STK35: variants seen among roughly 807,000 people sequenced by gnomAD.
STK35 encodes serine/threonine-protein kinase 35.
Under a neutral mutation model 37.3 loss-of-function variants are expected in STK35, and 17 were observed. The ratio of observed to expected loss-of-function variants is 0.46; its 90% CI spans 0.31 to 0.68. STK35 has a LOEUF of 0.68. Among genes scored for constraint, STK35 ranks in the 30% least tolerant of loss-of-function variants. The pLI, the probability that STK35 is intolerant of heterozygous loss-of-function variation, is 0.05. For missense variants in STK35, 595 were observed against 746.7 expected (o/e 0.80, Z 2.37); for synonymous variants, 385 against 319.1 (o/e 1.21, Z -2.20).
intron 2 of STK35, among the ~76,000 whole-genome samples, chr20:2,108,562 C>A (rs561683396): frequency 6.6e-6 from 1 of 152,252 alleles, no homozygotes; most frequent in African/African-American, 2.4e-5. Context: ...GTATATTGAT[C>A]AGTGCTTGTG....
At chr20:2,142,886 A>G (rs1452421473) in intron 3 of STK35, among the ~76,000 whole-genome samples, 1 of 152,160 alleles carries the variant, frequency 6.6e-6, no homozygotes, top group Non-Finnish European at 1.5e-5. Flanking sequence ...GCCCAAGACT[A>G]ATCTCTGTGG....
chr20:2,134,220 A>G (rs1392312763), intron 3 of STK35, among the ~76,000 whole-genome samples: 3 of 149,402 alleles, frequency 2.0e-5, no homozygotes, highest in African/African-American at 7.4e-5. Flanking sequence ...AGATGGTGCC[A>G]CTGCACTCCA....
At chr20:2,135,392 C>T (rs929840355) in intron 3 of STK35, among the ~76,000 whole-genome samples, 4 of 152,204 alleles carry the variant, frequency 2.6e-5, no homozygotes, top group Admixed American at 6.5e-5. Flanking sequence ...CCCCAGCCGC[C>T]TCTTTCAACA....
intron 3 of STK35, among the ~76,000 whole-genome samples, chr20:2,124,424 C>T (rs1600610936): frequency 1.3e-5 from 2 of 152,220 alleles, no homozygotes; most frequent in East Asian, 3.9e-4. Context: ...TTGGTGGAGC[C>T]TTGAATTTCC....
chr20:2,102,863 G>T lies in STK35; in HGVS notation c.390G>T (p.Pro130=), dbSNP rs1274819744. 7.7e-6 allele frequency: 12 copies of T among 1,557,722 alleles called. No individual in the cohort carries two copies. Among genetic ancestry groups the T allele is most frequent in the African/African-American group, 1.4e-5 (1 of 72,288 alleles). The change falls in exon 2 of 4, where the codon CCG becomes CCT. Residue 130 remains proline, a synonymous_variant. Transcript: ENST00000381482. ...CAGCGCCGTTGCTGCTCCCCCCGCC[G>T]CCCGCAGCCATGGAAACGGGGAAGG... ...ARAAPLLLPP[P]PAAMETGKDG...
At chr20:2,133,711 A>G (rs1986037157) in intron 3 of STK35, among the ~76,000 whole-genome samples, 1 of 152,186 alleles carries the variant, frequency 6.6e-6, no homozygotes, top group Admixed American at 6.5e-5. Flanking sequence ...AGTCTTGCCT[A>G]CTGTTTCTCT....
intron 1 of STK35, 57 bp from the exon 2 acceptor site, chr20:2,102,711 T>C: frequency 7.6e-7 from 1 of 1,316,400 alleles, no homozygotes; most frequent in Non-Finnish European, 9.7e-7. Context: ...CCCCGCGGCC[T>C]ACGCTCCTGG....
intron 2 of STK35, among the ~76,000 whole-genome samples, chr20:2,108,548 A>G (rs1030489041): frequency 1.2e-4 from 19 of 152,042 alleles, no homozygotes; most frequent in African/African-American, 4.6e-4. Context: ...CTTTGTTTTT[A>G]GTTGTATATT....
At chr20:2,134,902 G>GA (rs1026299101) in intron 3 of STK35, among the ~76,000 whole-genome samples, 57 of 150,464 alleles carry the variant, frequency 3.8e-4, no homozygotes, top group Non-Finnish European at 5.2e-4. Flanking sequence ...AAAAAGAAAA[G>GA]AAAAAAAAAT....
intron 2 of STK35, among the ~76,000 whole-genome samples, chr20:2,116,348 C>T (rs111749984): frequency 1.3e-5 from 2 of 152,170 alleles, no homozygotes; most frequent in African/African-American, 4.8e-5. Flanking sequence ...GTCCCATCTG[C>T]CCAGCAGCTT....
intron 3 of STK35, among the ~76,000 whole-genome samples, chr20:2,121,157 GT>G (rs1377408026): frequency 6.6e-6 from 1 of 152,180 alleles, no homozygotes; most frequent in Admixed American, 6.5e-5. Flanking sequence ...TTTGGCTTGT[GT>G]TTTTGGATGA....
rs954406801 is a variant in STK35 at position 2,102,955 on chromosome 20, G to T, written c.482G>T (p.Ser161Ile). ...KRRSPVPRAP[S>I]TKLRPAAAAR... ...CGAAGCCCAGTGCCGCGGGCGCCCA[G>T]CACGAAGCTGAGGCCGGCGGCGGCG... The change falls in exon 2 of 4, where the codon AGC becomes ATC. Residue 161 changes from serine (S) to isoleucine (I), a missense_variant. By Grantham distance (142) the Ser-to-Ile change is moderately radical (BLOSUM62 -2). This residue lies in a region of STK35 where 389 missense variants were observed against 320.0 expected (regional missense o/e 1.22). Transcript: ENST00000381482. 20 of 1,474,766 alleles carry T rather than the reference G, an allele frequency of 1.4e-5. No individual in the cohort carries two copies. The highest frequency in any genetic ancestry group is 1.7e-5 in the Non-Finnish European group (19 of 1,118,084). 91.4% of individuals were successfully genotyped at this position (1,474,766 alleles called of 1,614,324 possible).
At chr20:2,125,811 A>G (rs758082666) in intron 3 of STK35, among the ~76,000 whole-genome samples, 2 of 152,260 alleles carry the variant, frequency 1.3e-5, no homozygotes, top group Non-Finnish European at 2.9e-5. Context: ...CAGGAGCCAC[A>G]TATGCAGCCA....
At chr20:2,128,910 G>A (rs978805238) in intron 3 of STK35, among the ~76,000 whole-genome samples, 2 of 151,938 alleles carry the variant, frequency 1.3e-5, no homozygotes, top group Admixed American at 6.6e-5. Context: ...ACACAATCTC[G>A]GCTCACTGGC....
intron 3 of STK35, among the ~76,000 whole-genome samples, chr20:2,122,472 C>A (rs1985836294): frequency 6.6e-6 from 1 of 152,022 alleles, no homozygotes; most frequent in Non-Finnish European, 1.5e-5. Flanking sequence ...AGTTTTTTTG[C>A]AAAAATAAAA....
intron 2 of STK35, among the ~76,000 whole-genome samples, chr20:2,114,682 C>A (rs529040432): frequency 6.6e-6 from 1 of 152,180 alleles, no homozygotes; most frequent in African/African-American, 2.4e-5. Flanking sequence ...TCTTTTTTTA[C>A]CATTTTTTCT....
At chr20:2,106,737 G>C (rs539468690) in intron 2 of STK35, among the ~76,000 whole-genome samples, 1 of 152,298 alleles carries the variant, frequency 6.6e-6, no homozygotes, top group African/African-American at 2.4e-5. Flanking sequence ...GCTGTTCTTG[G>C]TCTTACCCCA....
At chr20:2,102,494 A>C (rs1292364421) in intron 1 of STK35, among the ~76,000 whole-genome samples, 1 of 152,238 alleles carries the variant, frequency 6.6e-6, no homozygotes, top group Non-Finnish European at 1.5e-5. Flanking sequence ...GAAGGCGTGA[A>C]GCTTGCTGGC....
chr20:2,139,882 A>G (rs1251800044), intron 3 of STK35, among the ~76,000 whole-genome samples: 3 of 152,230 alleles, frequency 2.0e-5, no homozygotes, highest in Non-Finnish European at 4.4e-5. Context: ...GATTCATAGC[A>G]CATTTTCCCA....
Sources: allele counts gnomAD v4.1 joint callset (sites outside exome capture counted in the v4.1 genomes callset), GRCh38; gene constraint gnomAD v4.1.1; regional missense constraint gnomAD v4.1.1; transcripts MANE v1.5; gene names NCBI Gene and HGNC (gene_info 2026-07-23, HGNC 2026-07-21).